The following BBS9 variants were observed in gnomAD, a reference collection of about 807,000 sequenced individuals.
BBS9 encodes protein PTHB1.
In BBS9, 89 loss-of-function variants were observed where a neutral mutation model predicts 117.7. That is an observed-to-expected ratio of 0.76 (90% CI 0.64 to 0.90). BBS9 has a LOEUF of 0.90. BBS9 is among the 40% of genes least tolerant of loss of function. The pLI is 0.00. For synonymous variants in BBS9, 379 were observed against 370.9 expected (o/e 1.02, Z -0.25); for missense variants, 982 against 1,042.2 (o/e 0.94, Z 0.80).
chr7:33,364,787 G>A (rs1426304377), intron 16 of BBS9, among the ~76,000 whole-genome samples: 1 of 148,910 alleles, frequency 6.7e-6, no homozygotes, highest in African/African-American at 2.5e-5. Flanking sequence ...GGAGTGCAGT[G>A]GCATGATCAT....
intron 21 of BBS9, among the ~76,000 whole-genome samples, chr7:33,591,072 A>G (rs565808888): frequency 6.6e-6 from 1 of 152,074 alleles, no homozygotes; most frequent in South Asian, 2.1e-4. Context: ...ATTTCCTTAG[A>G]TTTACTAGCC....
intron 5 of BBS9, among the ~76,000 whole-genome samples, chr7:33,202,769 A>G (rs750488180): frequency 2.8e-4 from 42 of 152,178 alleles, no homozygotes; most frequent in Non-Finnish European, 4.9e-4. Flanking sequence ...ACCTCCTCCA[A>G]CATTGGGGAT....
intron 5 of BBS9, among the ~76,000 whole-genome samples, chr7:33,186,660 A>T (rs10262890): frequency 0.27 from 41,366 of 152,010 alleles, 6,416 homozygotes; most frequent in Admixed American, 0.42. Flanking sequence ...TTCCTCCAAA[A>T]ATTATAATAT....
intron 9 of BBS9, among the ~76,000 whole-genome samples, chr7:33,306,570 C>T (rs1808030585): frequency 6.6e-6 from 1 of 152,086 alleles, no homozygotes; most frequent in South Asian, 2.1e-4. Flanking sequence ...TGTATTAAAT[C>T]CGGTAAGCCA....
chr7:33,311,320 T>C (rs1019158054), intron 9 of BBS9, among the ~76,000 whole-genome samples: 1 of 152,114 alleles, frequency 6.6e-6, no homozygotes, highest in Non-Finnish European at 1.5e-5. Context: ...CAGGAAACCA[T>C]TGGAGGTTTC....
At chr7:33,230,671 G>A (rs941889319) in intron 5 of BBS9, among the ~76,000 whole-genome samples, 19 of 152,184 alleles carry the variant, frequency 1.2e-4, no homozygotes, top group African/African-American at 4.6e-4. Flanking sequence ...AGAACTTGTG[G>A]TATTTGGTTT....
intron 5 of BBS9, among the ~76,000 whole-genome samples, chr7:33,237,079 C>T (rs933417250): frequency 7.9e-5 from 12 of 152,092 alleles, no homozygotes; most frequent in Non-Finnish European, 1.3e-4. Context: ...AAAATGAATA[C>T]ATTTTTATTA....
chr7:33,540,631 T>C (rs138788792), intron 21 of BBS9, among the ~76,000 whole-genome samples: 16 of 152,194 alleles, frequency 1.1e-4, no homozygotes, highest in Admixed American at 2.6e-4. Flanking sequence ...AACTATATAA[T>C]TGTATCAGAA....
intron 5 of BBS9, among the ~76,000 whole-genome samples, chr7:33,180,658 A>C (rs976545607): frequency 1.3e-5 from 2 of 152,080 alleles, no homozygotes; most frequent in Non-Finnish European, 2.9e-5. Context: ...CCTGGCCGAG[A>C]AAATTCTTTG....
chr7:33,242,737 T>TA (rs1794743826), intron 5 of BBS9, among the ~76,000 whole-genome samples: 1 of 152,184 alleles, frequency 6.6e-6, no homozygotes, highest in South Asian at 2.1e-4. Context: ...TAAAGTGAAA[T>TA]ATTTAACATT....
chr7:33,532,180 G>A (rs1400200950), intron 20 of BBS9, among the ~76,000 whole-genome samples: 1 of 152,232 alleles, frequency 6.6e-6, no homozygotes, highest in African/African-American at 2.4e-5. Flanking sequence ...CATTAAATGG[G>A]AGTTGGCCAG....
At chr7:33,391,743 T>C (rs1482148122) in intron 19 of BBS9, among the ~76,000 whole-genome samples, 1 of 152,214 alleles carries the variant, frequency 6.6e-6, no homozygotes, top group Non-Finnish European at 1.5e-5. Flanking sequence ...TATTGAGGGA[T>C]AATCTTTGGT....
intron 21 of BBS9, among the ~76,000 whole-genome samples, chr7:33,544,190 C>A (rs1043227782): frequency 2.0e-5 from 3 of 152,104 alleles, no homozygotes; most frequent in African/African-American, 4.8e-5. Context: ...CTCCTGAATT[C>A]TTTTTCAGGT....
intron 6 of BBS9, among the ~76,000 whole-genome samples, chr7:33,258,597 A>G (rs1202335253): frequency 6.6e-6 from 1 of 152,158 alleles, no homozygotes; most frequent in Non-Finnish European, 1.5e-5. Context: ...AAAATATTAT[A>G]TTTATTTGGA....
At chr7:33,419,301 A>G (rs1036573855) in intron 19 of BBS9, among the ~76,000 whole-genome samples, 3 of 152,236 alleles carry the variant, frequency 2.0e-5, no homozygotes, top group Non-Finnish European at 1.5e-5. Flanking sequence ...TTGTATATCA[A>G]TAATGAAATA....
chr7:33,417,484 C>T (rs1832195123), intron 19 of BBS9, among the ~76,000 whole-genome samples: 1 of 152,180 alleles, frequency 6.6e-6, no homozygotes, highest in Non-Finnish European at 1.5e-5. Flanking sequence ...CTCTGTCATT[C>T]AATGCAATCT....
intron 5 of BBS9, among the ~76,000 whole-genome samples, chr7:33,232,558 T>G (rs1051666299): frequency 2.6e-5 from 4 of 152,128 alleles, no homozygotes; most frequent in Non-Finnish European, 5.9e-5. Context: ...GAGCTCATCA[T>G]TATTTTTACT....
intron 21 of BBS9, among the ~76,000 whole-genome samples, chr7:33,549,188 A>G (rs1853937261): frequency 8.5e-6 from 1 of 117,602 alleles, no homozygotes; most frequent in Non-Finnish European, 1.7e-5. Context: ...AGGATTCCCT[A>G]TTTAATAAAT....
chr7:33,612,644 C>A (rs539755234), intron 21 of BBS9, among the ~76,000 whole-genome samples: 45 of 152,140 alleles, frequency 3.0e-4, no homozygotes, highest in African/African-American at 9.6e-4. Flanking sequence ...TCATCTCTCC[C>A]TTATCTTCTA....
Sources: allele counts gnomAD v4.1 joint callset (sites outside exome capture counted in the v4.1 genomes callset), GRCh38; gene constraint gnomAD v4.1.1; transcripts MANE v1.5; gene names NCBI Gene and HGNC (gene_info 2026-07-23, HGNC 2026-07-21).